The following SMG6 variants were observed in gnomAD, a reference collection of about 807,000 sequenced individuals.
SMG6 encodes the protein telomerase-binding protein EST1A.
In SMG6, 66 loss-of-function variants were observed where a neutral mutation model predicts 142.2. The ratio of observed to expected loss-of-function variants is 0.46; its 90% CI spans 0.38 to 0.57. The LOEUF (loss-of-function observed/expected upper bound fraction) is 0.57. Among genes scored for constraint, SMG6 ranks in the 20% least tolerant of loss-of-function variants. The pLI is 0.00. For synonymous variants in SMG6, 779 were observed against 702.4 expected, an observed-to-expected ratio of 1.11 and a Z score of -1.72; for missense variants, 1,793 against 1,832.0, an observed-to-expected ratio of 0.98 and a Z score of 0.39.
chr17:2,292,747 G>T, intron 5 of SMG6, 117 bp from the exon 6 acceptor site: 2 of 1,433,202 alleles, frequency 1.4e-6, no homozygotes, highest in Middle Eastern at 1.8e-4. Flanking sequence ...CCCTGGAGGG[G>T]TAAGGCATGA....
intron 10 of SMG6, chr17:2,233,213 G>GTGGTGCCAT (rs2073549952): frequency 1.3e-5 from 2 of 152,258 alleles, no homozygotes; most frequent in South Asian, 4.1e-4. Context: ...GGTAGAGACT[G>GTGGTGCCAT]TGAGGATCTC....
intron 13 of SMG6, chr17:2,088,640 C>G: frequency 1.0e-6 from 1 of 985,310 alleles, no homozygotes; most frequent in Non-Finnish European, 1.2e-6. Flanking sequence ...GGAAGAGTAC[C>G]CTGTCCTTTG....
chr17:2,178,779 A>C (rs1404111808), intron 12 of SMG6, among the ~76,000 whole-genome samples: 1 of 152,204 alleles, frequency 6.6e-6, no homozygotes, highest in Non-Finnish European at 1.5e-5. Context: ...TTTGGGAAAG[A>C]GCAGCCCCTA....
intron 15 of SMG6, among the ~76,000 whole-genome samples, chr17:2,074,536 G>C (rs1388803451): frequency 6.6e-6 from 1 of 152,190 alleles, no homozygotes; most frequent in African/African-American, 2.4e-5. Context: ...ATGTACCACA[G>C]AGCTTAATAT....
chr17:2,113,429 T>C (rs1207744363), intron 13 of SMG6, among the ~76,000 whole-genome samples: 1 of 152,150 alleles, frequency 6.6e-6, no homozygotes, highest in Non-Finnish European at 1.5e-5. Flanking sequence ...CTGAACATTA[T>C]AACATGCACT....
chr17:2,242,598 G>A (rs1224181055), intron 9 of SMG6, among the ~76,000 whole-genome samples: 1 of 144,892 alleles, frequency 6.9e-6, no homozygotes, highest in African/African-American at 2.6e-5. Flanking sequence ...GGGAGGCTGA[G>A]CCACGAGTTC....
intron 10 of SMG6, among the ~76,000 whole-genome samples, chr17:2,214,709 G>A (rs113307881): frequency 1.4e-4 from 22 of 152,232 alleles, no homozygotes; most frequent in African/African-American, 5.1e-4. Flanking sequence ...AAATCCTCCC[G>A]GTTAAATTCC....
intron 13 of SMG6, among the ~76,000 whole-genome samples, chr17:2,145,288 T>C (rs2070629619): frequency 6.6e-6 from 1 of 151,324 alleles, no homozygotes; most frequent in South Asian, 2.1e-4. Flanking sequence ...TAATTTTTTT[T>C]TTTTTTTTGT....
At chr17:2,271,382 T>G (rs1460473225) in intron 8 of SMG6, among the ~76,000 whole-genome samples, 1 of 148,742 alleles carries the variant, frequency 6.7e-6, no homozygotes, top group African/African-American at 2.5e-5. Context: ...TGAGCCACCA[T>G]GCCCAGCCAA....
chr17:2,192,138 G>A (rs1417014456), intron 10 of SMG6, among the ~76,000 whole-genome samples: 1 of 152,252 alleles, frequency 6.6e-6, no homozygotes, highest in Non-Finnish European at 1.5e-5. Flanking sequence ...GAGGCAGGAG[G>A]GGCGGAGAGG....
At chr17:2,070,918 G>A (rs116389472) in intron 15 of SMG6, among the ~76,000 whole-genome samples, 1 of 152,202 alleles carries the variant, frequency 6.6e-6, no homozygotes, top group African/African-American at 2.4e-5. Flanking sequence ...TCCCTGCTCA[G>A]GTTCAGTAAA....
At chr17:2,127,138 C>CA (rs941523968) in intron 13 of SMG6, among the ~76,000 whole-genome samples, 3,254 of 49,944 alleles carry the variant, frequency 0.065, 203 homozygotes, top group African/African-American at 0.15. Flanking sequence ...GACCTTGTCT[C>CA]AAAAAAAAAA....
chr17:2,289,654 G>A (rs570818761), intron 6 of SMG6, among the ~76,000 whole-genome samples: 15 of 152,072 alleles, frequency 9.9e-5, no homozygotes, highest in African/African-American at 3.6e-4. Context: ...GGTGGCTCAC[G>A]CATATAATCC....
At chr17:2,145,253 A>C (rs954284394) in intron 13 of SMG6, among the ~76,000 whole-genome samples, 2 of 151,036 alleles carry the variant, frequency 1.3e-5, no homozygotes, top group African/African-American at 4.9e-5. Context: ...AGCTGGGACT[A>C]CAGGCGTGTG....
intron 13 of SMG6, among the ~76,000 whole-genome samples, chr17:2,164,543 G>A (rs1003094485): frequency 3.3e-5 from 5 of 152,204 alleles, no homozygotes; most frequent in African/African-American, 1.2e-4. Context: ...AGGAGGTGGA[G>A]GTTGCAGCGT....
chr17:2,285,953 G>T (rs2074895766), intron 6 of SMG6, among the ~76,000 whole-genome samples: 2 of 151,534 alleles, frequency 1.3e-5, no homozygotes, highest in Admixed American at 1.3e-4. Flanking sequence ...GGATTACAGG[G>T]GTCAGACACC....
At position 2,068,306 on chromosome 17, in the gene SMG6, G is replaced by A. The variant is rs73976192; in HGVS notation, c.3835+472C>T. Among the ~76,000 whole-genome samples the A allele has an allele frequency of 0.039, 5,941 of 152,240 alleles. 177 individuals carry two copies. Among genetic ancestry groups the A allele is most frequent in the African/African-American group, 0.078 (3,256 of 41,516 alleles). ...GCTGGCCTAGCCTTAGGGTGACACT[G>A]GCCAGAAGAATGCTACCTCGAACCA... On this transcript the variant is annotated intron_variant, in intron 16 of 18. Transcript: ENST00000263073. This position sits in a 1 kb window ranked among gnomAD's most constrained non-coding sequence, Gnocchi z 6.7.
At chr17:2,291,603 C>T (rs997198280) in intron 6 of SMG6, among the ~76,000 whole-genome samples, 36 of 151,976 alleles carry the variant, frequency 2.4e-4, no homozygotes, top group Non-Finnish European at 4.3e-4. Context: ...TCAACTATTT[C>T]AATCCATAAT....
chr17:2,073,576 G>C lies in SMG6; in HGVS notation c.3682-4645C>G, dbSNP rs1330203797. On this transcript the variant is annotated intron_variant, in intron 15 of 18. Transcript: ENST00000263073. Reference sequence around the variant, plus strand: ...ATACAAAAATTAGCTGGACGTGGTGGCTCATGCCTGTAATCCCAGCTACTC... The same window carrying C: ...ATACAAAAATTAGCTGGACGTGGTGCCTCATGCCTGTAATCCCAGCTACTC... Among the ~76,000 whole-genome samples the C allele has an allele frequency of 2.6e-5, 4 of 151,672 alleles. No individual in the cohort carries two copies. The East Asian group carries it at 7.9e-4, about 30-fold the overall frequency.
Sources: allele counts gnomAD v4.1 joint callset (sites outside exome capture counted in the v4.1 genomes callset), GRCh38; gene constraint gnomAD v4.1.1; non-coding constraint Gnocchi (gnomAD v3.1); transcripts MANE v1.5; gene names NCBI Gene and HGNC (gene_info 2026-07-23, HGNC 2026-07-21).